The following ENOX1 variants were observed in gnomAD, a reference collection of about 807,000 sequenced individuals.
ENOX1 encodes the protein ecto-NOX disulfide-thiol exchanger 1.
Under a neutral mutation model 82.5 loss-of-function variants are expected in ENOX1, and 42 were observed. The observed-to-expected ratio is 0.51, with a 90% CI of 0.40 to 0.66. The LOEUF (loss-of-function observed/expected upper bound fraction) is 0.66, where lower values mean the gene tolerates loss of function less well. Among genes scored for constraint, ENOX1 ranks in the 30% least tolerant of loss-of-function variants. ENOX1 has a pLI of 0.00. For missense variants in ENOX1, 608 were observed against 811.6 expected, an observed-to-expected ratio of 0.75 and a Z score of 3.05; for synonymous variants, 271 against 282.2, an observed-to-expected ratio of 0.96 and a Z score of 0.40.
chr13:43,516,176 A>G (rs1566430048), intron 2 of ENOX1, among the ~76,000 whole-genome samples: 1 of 152,182 alleles, frequency 6.6e-6, no homozygotes, highest in Non-Finnish European at 1.5e-5. Flanking sequence ...AGAATTTACC[A>G]AAAGTTTCTG....
intron 11 of ENOX1, among the ~76,000 whole-genome samples, chr13:43,320,097 A>G (rs1188927516): frequency 6.6e-6 from 1 of 152,222 alleles, no homozygotes; most frequent in Non-Finnish European, 1.5e-5. Context: ...TGTGTCCCCA[A>G]ATATGCAGGG....
chr13:43,486,381 CA>C (rs200960671), intron 2 of ENOX1, among the ~76,000 whole-genome samples: 1,535 of 144,668 alleles, frequency 0.011, 19 homozygotes, highest in African/African-American at 0.036. Flanking sequence ...GAGACTCTCT[CA>C]AAAAAAAAAC....
chr13:43,736,358 T>C (rs1279824248), intron 1 of ENOX1, among the ~76,000 whole-genome samples: 1 of 152,244 alleles, frequency 6.6e-6, no homozygotes, highest in African/African-American at 2.4e-5. Context: ...AATTTTTTTC[T>C]AAAGTCAGAA....
intron 2 of ENOX1, among the ~76,000 whole-genome samples, chr13:43,504,615 A>T (rs946675730): frequency 1.3e-5 from 2 of 151,666 alleles, no homozygotes; most frequent in Non-Finnish European, 3.0e-5. Context: ...ATCTAAAATA[A>T]TCAAACTCAT....
chr13:43,593,523 C>T (rs546597209), intron 2 of ENOX1, among the ~76,000 whole-genome samples: 2 of 151,822 alleles, frequency 1.3e-5, no homozygotes, highest in Admixed American at 6.6e-5. Flanking sequence ...TGAGAAGTGA[C>T]TAGAATTAAG....
chr13:43,387,778 A>G (rs1566093596), intron 5 of ENOX1, among the ~76,000 whole-genome samples: 1 of 152,092 alleles, frequency 6.6e-6, no homozygotes, highest in Non-Finnish European at 1.5e-5. Flanking sequence ...ATATGTAAAT[A>G]CATATATATA....
rs923966192 is a variant in ENOX1 at position 43,585,888 on chromosome 13, T to C, written c.-219+81591A>G. 2.0e-5 allele frequency among the ~76,000 whole-genome samples: 3 copies of C among 152,254 alleles called. No individual in the cohort carries two copies. In the South Asian group the frequency reaches 6.2e-4, roughly 32 times the overall value. ...CACTGCACCTGGCCAAGTTTTGTTT[T>C]ATTTTTATTAACAAACTAATAACAA... On this transcript the variant is annotated intron_variant, in intron 2 of 16. Coordinates refer to ENST00000690772, the MANE Select transcript of ENOX1 (RefSeq NM_001347969.2).
Position 43,661,942 on chromosome 13 carries a change from GTTAA to G in ENOX1, c.-219+5533_-219+5536del. 1.3e-5 allele frequency among the ~76,000 whole-genome samples: 2 copies of G among 152,268 alleles called. 1 individual carries two copies. Among genetic ancestry groups the G allele is most frequent in the Middle Eastern group, 6.8e-3 (2 of 294 alleles). The stretch of plus-strand genomic sequence containing the variant: ...TAGAAGCCAAATGTAAAAAAATCCA[GTTAA>G]TTAATTTCACAGACTGATTGATGTT... On this transcript the variant is annotated intron_variant, in intron 2 of 16. Transcript: ENST00000690772.
intron 1 of ENOX1, among the ~76,000 whole-genome samples, chr13:43,670,851 AAACAACAAC>A (rs59254437): frequency 0.017 from 2,553 of 150,322 alleles, 24 homozygotes; most frequent in Middle Eastern, 0.034. Flanking sequence ...TCAAACAACA[AAACAACAAC>A]AACAACAACA....
chr13:43,711,838 T>C (rs2087741435), intron 1 of ENOX1, among the ~76,000 whole-genome samples: 5 of 150,116 alleles, frequency 3.3e-5, no homozygotes, highest in Admixed American at 2.0e-4. Context: ...GTCAGATGAG[T>C]AGGTTGTGAA....
chr13:43,532,423 T>A (rs2078270418), intron 2 of ENOX1, among the ~76,000 whole-genome samples: 1 of 152,154 alleles, frequency 6.6e-6, no homozygotes, highest in East Asian at 1.9e-4. Context: ...TTTTTTATGG[T>A]CTGGGAGGCT....
intron 2 of ENOX1, among the ~76,000 whole-genome samples, chr13:43,523,494 A>G (rs1178346559): frequency 6.6e-6 from 1 of 152,194 alleles, no homozygotes; most frequent in Non-Finnish European, 1.5e-5. Flanking sequence ...TTATTCTTAA[A>G]TTAGTTTTCT....
intron 5 of ENOX1, among the ~76,000 whole-genome samples, chr13:43,372,155 T>G (rs1357816404): frequency 6.6e-6 from 1 of 152,212 alleles, no homozygotes; most frequent in Non-Finnish European, 1.5e-5. Context: ...TCATATATGA[T>G]TCTAAGCAAA....
intron 2 of ENOX1, among the ~76,000 whole-genome samples, chr13:43,603,500 C>T (rs1178780352): frequency 1.3e-5 from 2 of 151,084 alleles, no homozygotes; most frequent in African/African-American, 2.4e-5. Context: ...ACTCGTCATT[C>T]AGCATTAGGT....
At chr13:43,225,584 A>T (rs185626021) in intron 15 of ENOX1, among the ~76,000 whole-genome samples, 26 of 152,310 alleles carry the variant, frequency 1.7e-4, no homozygotes, top group Non-Finnish European at 2.9e-4. Context: ...ATGAAATGCC[A>T]TCTGGGTGGG....
intron 2 of ENOX1, among the ~76,000 whole-genome samples, chr13:43,508,379 A>G (rs761258231): frequency 2.0e-5 from 3 of 152,034 alleles, no homozygotes; most frequent in Admixed American, 6.6e-5. Flanking sequence ...TGCCAGCACC[A>G]TGATCTTGTG....
chr13:43,513,027 G>A (rs1381235309), intron 2 of ENOX1, among the ~76,000 whole-genome samples: 2 of 152,090 alleles, frequency 1.3e-5, no homozygotes, highest in Non-Finnish European at 2.9e-5. Flanking sequence ...CATAATTTGT[G>A]GCTGGGCGCA....
intron 2 of ENOX1, among the ~76,000 whole-genome samples, chr13:43,551,785 T>C (rs184998021): frequency 6.6e-6 from 1 of 152,328 alleles, no homozygotes; most frequent in East Asian, 1.9e-4. Flanking sequence ...CAGGAGAGGA[T>C]GGGCCCAGCA....
chr13:43,751,678 C>G (rs1950330148), intron 1 of ENOX1, among the ~76,000 whole-genome samples: 1 of 152,128 alleles, frequency 6.6e-6, no homozygotes. Context: ...CGTAATTATA[C>G]TGAGATTCAT....
Sources: allele counts gnomAD v4.1 joint callset (sites outside exome capture counted in the v4.1 genomes callset), GRCh38; gene constraint gnomAD v4.1.1; transcripts MANE v1.5; gene names NCBI Gene and HGNC (gene_info 2026-07-23, HGNC 2026-07-21).